CLNK: variants seen among roughly 807,000 people sequenced by gnomAD.
The protein encoded by CLNK is cytokine-dependent hematopoietic cell linker.
A neutral mutation model predicts 68.6 loss-of-function variants in CLNK; 74 were observed. That is an observed-to-expected ratio of 1.08 (90% CI 0.89 to 1.31). The LOEUF is 1.31. Among genes scored for constraint, CLNK ranks in the 50% most tolerant of loss-of-function variants. The pLI is 0.00. For synonymous variants in CLNK, 198 were observed against 172.2 expected (o/e 1.15, Z -1.17); for missense variants, 553 against 515.3 (o/e 1.07, Z -0.71).
Position 10,561,385 on chromosome 4 carries a change from G to T in CLNK, c.400-2933C>A, listed in dbSNP as rs550197387. 2.6e-5 allele frequency among the ~76,000 whole-genome samples: 4 copies of T among 152,228 alleles called. No individual in the cohort carries two copies. In the South Asian group the frequency reaches 8.3e-4, roughly 32 times the overall value. On this transcript the variant is annotated intron_variant, in intron 7 of 18. Coordinates refer to ENST00000226951, the MANE Select transcript of CLNK (RefSeq NM_052964.4). ...CAAAGGAAGAAACTTGTTTTTAACA[G>T]GAAGCTACAAAGATGATATGAAGGA... is the stretch of plus-strand genomic sequence containing the variant.
Position 10,525,193 on chromosome 4 carries a change from T to G in CLNK, c.731+648A>C, listed in dbSNP as rs1025073531. On this transcript the variant is annotated intron_variant, in intron 14 of 18. Coordinates refer to ENST00000226951, the MANE Select transcript of CLNK (RefSeq NM_052964.4). ...CATTCTCCTGCCTCAGCCTCCCGAG[T>G]AGCTGGGACTACAGGCACCCGCCAC... Among the ~76,000 whole-genome samples, 5 of 152,102 alleles carry G rather than the reference T, an allele frequency of 3.3e-5. No individual in the cohort carries two copies. In the South Asian group the frequency reaches 1.0e-3, roughly 32 times the overall value.
At chr4:10,723,919 A>ACAGAGAGAGAGAGATCGAGGGAGAGAGAG in the CLNK span, among the ~76,000 whole-genome samples, 8 of 148,030 alleles carry the variant, frequency 5.4e-5, no homozygotes, top group South Asian at 4.4e-4. Flanking sequence ...AGAGAGAGAG[A>ACAGAGAGAGAGAGATCGAGGGAGAGAGAG]AGGCAGGGCA....
At chr4:10,671,250 G>C (rs1724623893) in intron 1 of CLNK, among the ~76,000 whole-genome samples, 1 of 152,078 alleles carries the variant, frequency 6.6e-6, no homozygotes, top group African/African-American at 2.4e-5. Flanking sequence ...GCTGGGTATG[G>C]TGGTGGGCGC....
In CLNK at chr4:10,558,428, C is replaced by A. The variant is rs376833668; in HGVS notation, c.424G>T (p.Val142Phe). The change falls in exon 8 of 19, where the codon GTC becomes TTC. Residue 142 changes from valine to phenylalanine, a missense_variant. Val to Phe is a conservative substitution (Grantham distance 50). Coordinates refer to ENST00000226951, the MANE Select transcript of CLNK (RefSeq NM_052964.4). ...ERVDKPISKD[V>F]RSQNIKGDAS... ...TTACCTTTAATGTTTTGGCTTCTGA[C>A]GTCCTTGGAAATGGGTTTGTCCACC... 6.2e-7 allele frequency: 1 copy of A among 1,613,850 alleles called. No homozygotes were observed. The highest frequency in any genetic ancestry group is 8.5e-7 in the Non-Finnish European group (1 of 1,179,802).
chr4:10,500,391 A>G (rs1411910362), intron 18 of CLNK, among the ~76,000 whole-genome samples: 4 of 152,198 alleles, frequency 2.6e-5, no homozygotes, highest in African/African-American at 9.6e-5. Context: ...TCAAAATAAG[A>G]TACTGCTGGC....
At chr4:10,704,876 G>C in the CLNK span, among the ~76,000 whole-genome samples, 1 of 152,186 alleles carries the variant, frequency 6.6e-6, no homozygotes, top group Non-Finnish European at 1.5e-5. Flanking sequence ...GTTAATCAAA[G>C]CAGACTTGGT....
At chr4:10,537,674 T>TTC (rs1560206883) in intron 11 of CLNK, among the ~76,000 whole-genome samples, 32 of 46,864 alleles carry the variant, frequency 6.8e-4, no homozygotes, top group Middle Eastern at 8.5e-3. Context: ...TTTCTTTCTT[T>TTC]CTTTCTTCCT....
chr4:10,527,953 C>A (rs527859884), intron 13 of CLNK, 123 bp downstream of exon 13: 2 of 451,780 alleles, frequency 4.4e-6, no homozygotes, highest in African/African-American at 4.0e-5. Context: ...CGTTCACACA[C>A]ATACATCCCC....
chr4:10,491,765 A>G lies in CLNK; in HGVS notation c.1141-1152T>C, dbSNP rs61332206. 9.1e-3 allele frequency among the ~76,000 whole-genome samples: 1,199 copies of G among 131,082 alleles called. 21 individuals carry two copies. The highest frequency in any genetic ancestry group is 0.034 in the African/African-American group (1,140 of 33,808). The allele number at this position is 131,082 out of a possible 152,430, so 86.0% of individuals were successfully genotyped here. On this transcript the variant is annotated intron_variant, in intron 18 of 18. Coordinates refer to ENST00000226951, the MANE Select transcript of CLNK (RefSeq NM_052964.4). ...GTATTGAGAAGACTTGAGCATATAT[A>G]GTAATTTTTTTTTTTAATTTCAACA...
At chr4:10,537,616 T>C (rs563014496) in intron 11 of CLNK, among the ~76,000 whole-genome samples, 42 of 146,548 alleles carry the variant, frequency 2.9e-4, no homozygotes, top group Middle Eastern at 3.7e-3. Flanking sequence ...TCCCTTTCTC[T>C]CTCTCTTTCT....
Position 10,486,966 on chromosome 4 carries a change from A to C in CLNK, c.*3501T>G, listed in dbSNP as rs1189222854. Reference sequence around the variant, plus strand: ...TACAATAGTGCTTAGTAATGAATACACATGCAGTACACAAAGGTGCTAACA... The same window carrying C: ...TACAATAGTGCTTAGTAATGAATACCCATGCAGTACACAAAGGTGCTAACA... On this transcript the variant is annotated 3_prime_UTR_variant, in exon 19 of 19. Coordinates refer to ENST00000226951, the MANE Select transcript of CLNK (RefSeq NM_052964.4). 6.6e-6 allele frequency: 1 copy of C among 152,356 alleles called. No homozygotes were observed. The highest frequency in any genetic ancestry group is 1.9e-4 in the East Asian group (1 of 5,190). The allele number at this position is 152,356 out of a possible 1,614,324, so 9.4% of individuals were successfully genotyped here. A position where few individuals can be genotyped will look rare whatever the true frequency, so the allele number is the denominator to read the frequency against.
chr4:10,557,370 C>T (rs897491844), intron 8 of CLNK, among the ~76,000 whole-genome samples: 2 of 152,144 alleles, frequency 1.3e-5, no homozygotes, highest in African/African-American at 2.4e-5. Context: ...CATTGGGAAG[C>T]CCCAACAGGA....
At chr4:10,584,509 G>C (rs1213371490) in intron 4 of CLNK, among the ~76,000 whole-genome samples, 1 of 152,216 alleles carries the variant, frequency 6.6e-6, no homozygotes, top group South Asian at 2.1e-4. Flanking sequence ...ATACAGGAGA[G>C]GCATCAAAGG....
At chr4:10,644,095 T>C (rs1279008459) in intron 2 of CLNK, among the ~76,000 whole-genome samples, 1 of 152,242 alleles carries the variant, frequency 6.6e-6, no homozygotes, top group Non-Finnish European at 1.5e-5. Context: ...AAGCTGAGTA[T>C]GGCTCATACT....
chr4:10,538,141 A>G (rs1718871120), intron 11 of CLNK, among the ~76,000 whole-genome samples: 1 of 152,070 alleles, frequency 6.6e-6, no homozygotes, highest in Non-Finnish European at 1.5e-5. Flanking sequence ...TTTTTGAGAC[A>G]GTCTCTCTCT....
At chr4:10,542,805 A>G (rs1719091235) in intron 8 of CLNK, among the ~76,000 whole-genome samples, 1 of 151,774 alleles carries the variant, frequency 6.6e-6, no homozygotes, top group Non-Finnish European at 1.5e-5. Flanking sequence ...CCAGAATCCA[A>G]CTTCTTTATT....
intron 1 of CLNK, among the ~76,000 whole-genome samples, chr4:10,672,631 A>C (rs1340474696): frequency 1.3e-5 from 2 of 152,204 alleles, no homozygotes; most frequent in Non-Finnish European, 2.9e-5. Flanking sequence ...TAATCATAGA[A>C]TCTTGTACCC....
intron 18 of CLNK, among the ~76,000 whole-genome samples, chr4:10,496,247 T>C (rs1382863138): frequency 6.6e-6 from 1 of 152,246 alleles, no homozygotes; most frequent in Non-Finnish European, 1.5e-5. Flanking sequence ...AAGATGCTGT[T>C]TCTCATTATG....
At chr4:10,676,933 C>T (rs1283369207) in intron 1 of CLNK, among the ~76,000 whole-genome samples, 3 of 150,810 alleles carry the variant, frequency 2.0e-5, no homozygotes, top group Non-Finnish European at 4.4e-5. Context: ...AAAATCCTAA[C>T]AGATATTTTA....
Sources: allele counts gnomAD v4.1 joint callset (sites outside exome capture counted in the v4.1 genomes callset), GRCh38; gene constraint gnomAD v4.1.1; transcripts MANE v1.5; gene names NCBI Gene and HGNC (gene_info 2026-07-23, HGNC 2026-07-21).